CHST12: variants seen among roughly 807,000 people sequenced by gnomAD.
CHST12 encodes the protein carbohydrate (chondroitin 4) sulfotransferase 12.
Under a neutral mutation model 27.9 loss-of-function variants are expected in CHST12, and 23 were observed. The observed-to-expected ratio is 0.82, with a 90% CI of 0.59 to 1.17. The LOEUF is 1.17. CHST12 is among the 50% of genes most tolerant of loss of function. The pLI is 0.00. For synonymous variants in CHST12, 322 were observed against 273.0 expected, an observed-to-expected ratio of 1.18 and a Z score of -1.77; for missense variants, 682 against 603.0, an observed-to-expected ratio of 1.13 and a Z score of -1.37.
intron 1 of CHST12, among the ~76,000 whole-genome samples, chr7:2,421,471 CTG>C (rs1781974200): frequency 1.4e-5 from 2 of 144,950 alleles, no homozygotes; most frequent in Admixed American, 1.4e-4. Context: ...GAGTCTCGCT[CTG>C]TTGCCCAGGC....
intron 1 of CHST12, among the ~76,000 whole-genome samples, chr7:2,409,194 C>T (rs952480097): frequency 1.3e-5 from 2 of 152,164 alleles, no homozygotes; most frequent in South Asian, 2.1e-4. Context: ...TGCACCTGGG[C>T]AGAGAAGGTG....
chr7:2,418,600 G>T (rs776132527), intron 1 of CHST12, among the ~76,000 whole-genome samples: 9 of 152,218 alleles, frequency 5.9e-5, no homozygotes, highest in Non-Finnish European at 1.3e-4. Context: ...TATGGCTTCA[G>T]TGTTGCCCAT....
chr7:2,433,817 A>T lies in CHST12; in HGVS notation c.1178A>T (p.Tyr393Phe). ...KIPLAWRQQL[Y>F]KLYEADFVLF... is the part of the protein sequence containing the mutation. ...CCCCTGGCCTGGAGGCAGCAGCTGTATAAACTCTACGAGGCCGACTTTGTT... is the reference window on the plus strand; with the variant it reads ...CCCCTGGCCTGGAGGCAGCAGCTGTTTAAACTCTACGAGGCCGACTTTGTT... Residue 393 changes from tyrosine to phenylalanine, a missense_variant, in exon 2 of 2, where the codon TAT (tyrosine) becomes TTT (phenylalanine). Transcript: ENST00000618655. The surrounding 1 kb of genome is among the most constrained non-coding windows in gnomAD (Gnocchi z 6.1). 6.2e-7 allele frequency: 1 copy of T among 1,613,836 alleles called. No homozygotes were observed. Among genetic ancestry groups the T allele is most frequent in the South Asian group, 1.1e-5 (1 of 91,064 alleles).
At chr7:2,408,779 A>C (rs1233245733) in intron 1 of CHST12, among the ~76,000 whole-genome samples, 1 of 152,172 alleles carries the variant, frequency 6.6e-6, no homozygotes, top group Non-Finnish European at 1.5e-5. Flanking sequence ...ACTGAGAGAG[A>C]CTGGCTGGTG....
chr7:2,432,720 C>T lies in CHST12; in HGVS notation c.81C>T (p.Asp27=). ...FMILLIIVYW[D]SAGAAHFYLH... ...TCCTGCTGATCATCGTGTACTGGGA[C>T]AGCGCAGGCGCCGCGCACTTCTACT... The change falls in exon 2 of 2, where the codon GAC becomes GAT. Residue 27 remains aspartate (D), a synonymous_variant. Coordinates refer to ENST00000618655, the MANE Select transcript of CHST12 (RefSeq NM_018641.5). 1 of 1,613,956 alleles carries T rather than the reference C, an allele frequency of 6.2e-7. No individual in the cohort carries two copies.
chr7:2,432,397 C>T (rs1212355444), intron 1 of CHST12, among the ~76,000 whole-genome samples, 166 bp from the exon 2 acceptor site: 1 of 151,966 alleles, frequency 6.6e-6, no homozygotes, highest in Non-Finnish European at 1.5e-5. Flanking sequence ...GATGTGTAGA[C>T]TCCCTGCACT....
intron 1 of CHST12, among the ~76,000 whole-genome samples, chr7:2,417,818 GCAGT>G (rs1781849885): frequency 6.6e-6 from 1 of 152,336 alleles, no homozygotes; most frequent in Non-Finnish European, 1.5e-5. Flanking sequence ...GCTCACAGAC[GCAGT>G]CAGAGTATGC....
At chr7:2,407,735 G>C (rs1481284366) in intron 1 of CHST12, among the ~76,000 whole-genome samples, 4 of 152,016 alleles carry the variant, frequency 2.6e-5, no homozygotes, top group Admixed American at 6.6e-5. Context: ...TTCGAGACCA[G>C]CCTGGCCATC....
chr7:2,404,950 C>G (rs1489168988), intron 1 of CHST12, among the ~76,000 whole-genome samples: 1 of 152,170 alleles, frequency 6.6e-6, no homozygotes, highest in Non-Finnish European at 1.5e-5. Context: ...CTGGCTACAA[C>G]TGTGTGGAGT....
intron 1 of CHST12, among the ~76,000 whole-genome samples, chr7:2,431,709 G>A (rs1782272106): frequency 6.6e-6 from 1 of 152,232 alleles, no homozygotes; most frequent in Non-Finnish European, 1.5e-5. Context: ...ATAGCAATGT[G>A]CCACTTACTT....
intron 1 of CHST12, among the ~76,000 whole-genome samples, chr7:2,415,312 C>G (rs1476287179): frequency 6.6e-6 from 1 of 151,490 alleles, no homozygotes; most frequent in Non-Finnish European, 1.5e-5. Context: ...TTGCAGTGAG[C>G]CGAGATTGTG....
At chr7:2,418,388 G>A (rs1161632156) in intron 1 of CHST12, among the ~76,000 whole-genome samples, 1 of 152,218 alleles carries the variant, frequency 6.6e-6, no homozygotes, top group African/African-American at 2.4e-5. Flanking sequence ...GGCGGATGAT[G>A]CTTCTAGGTG....
At chr7:2,427,180 G>A (rs778600229) in intron 1 of CHST12, among the ~76,000 whole-genome samples, 1 of 151,314 alleles carries the variant, frequency 6.6e-6, no homozygotes, top group Non-Finnish European at 1.5e-5. Flanking sequence ...GCGAGACCCT[G>A]TCTCACAAAA....
chr7:2,418,244 C>T (rs533174190), intron 1 of CHST12, among the ~76,000 whole-genome samples: 5 of 152,228 alleles, frequency 3.3e-5, no homozygotes, highest in Admixed American at 1.3e-4. Flanking sequence ...CAGCCCCACC[C>T]GGAGCTAAGA....
rs1456274031 is a variant in CHST12, at chr7:2,437,288, A to T, written c.*3404A>T. 2.0e-5 allele frequency: 3 copies of T among 152,198 alleles called. No homozygotes were observed. The highest frequency in any genetic ancestry group is 7.2e-5 in the African/African-American group (3 of 41,426). The allele number at this position is 152,198 out of a possible 1,614,324, so 9.4% of individuals were successfully genotyped here. On this transcript the variant is annotated 3_prime_UTR_variant, in exon 2 of 2. Transcript: ENST00000618655. ...GATGGCTGCGCCTCGAATCAGTGGG[A>T]GGGCACCTCGCCCGTTTACAGTTGG...
In CHST12 at chr7:2,432,653, G is replaced by T; in HGVS notation, c.14G>T (p.Arg5Leu). MTKA[R>L]LFRLWLVLGS... ...GCCCGGGGCAGGATGACCAAGGCCC[G>T]GCTGTTCCGGCTGTGGCTGGTGCTG... The change falls in exon 2 of 2, where the codon CGG becomes CTG. Residue 5 changes from arginine (R) to leucine (L), a missense_variant. By Grantham distance (102) the Arg-to-Leu change is moderately radical. Coordinates refer to ENST00000618655, the MANE Select transcript of CHST12 (RefSeq NM_018641.5). 1 of 1,608,152 alleles carries T rather than the reference G, an allele frequency of 6.2e-7. No homozygotes were observed. Among genetic ancestry groups the T allele is most frequent in the Non-Finnish European group, 8.5e-7 (1 of 1,175,366 alleles).
At chr7:2,424,506 TC>T (rs1387932141) in intron 1 of CHST12, among the ~76,000 whole-genome samples, 1 of 152,060 alleles carries the variant, frequency 6.6e-6, no homozygotes. Context: ...GCAGATAGAC[TC>T]CGAGAAGCTT....
intron 1 of CHST12, among the ~76,000 whole-genome samples, chr7:2,409,059 A>G (rs1781597096): frequency 6.6e-6 from 1 of 152,232 alleles, no homozygotes; most frequent in Non-Finnish European, 1.5e-5. Flanking sequence ...GTTCCAGGGA[A>G]AATAAACCAT....
intron 1 of CHST12, among the ~76,000 whole-genome samples, chr7:2,422,935 C>T (rs1411214552): frequency 5.3e-5 from 8 of 150,952 alleles, no homozygotes; most frequent in Non-Finnish European, 8.8e-5. Flanking sequence ...GTTACACATC[C>T]TCGAGAGGGG....
Sources: gnomAD v4.1 joint callset for allele counts (sites outside exome capture counted in the v4.1 genomes callset) on GRCh38, gnomAD v4.1.1 for gene constraint, Gnocchi (gnomAD v3.1) non-coding constraint, MANE v1.5 for transcripts, NCBI Gene and HGNC (gene_info 2026-07-23, HGNC 2026-07-21) for gene names.